PPP6R3: variants seen among roughly 807,000 people sequenced by gnomAD.
PPP6R3 encodes protein phosphatase 6 regulatory subunit 3, also known as serine/threonine-protein phosphatase 6 regulatory subunit 3.
A neutral mutation model predicts 110.7 loss-of-function variants in PPP6R3; 38 were observed. The ratio of observed to expected loss-of-function variants is 0.34; its 90% confidence interval spans 0.26 to 0.45. PPP6R3 has a LOEUF of 0.45. Ranked by LOEUF, PPP6R3 falls within the 20% of genes least tolerant of loss-of-function variation. The pLI, the probability that PPP6R3 is intolerant of heterozygous loss-of-function variation, is 1.00. For missense variants in PPP6R3, 870 were observed against 1,062.4 expected, an observed-to-expected ratio of 0.82 and a Z score of 2.52; for synonymous variants, 369 against 373.5, an observed-to-expected ratio of 0.99 and a Z score of 0.14.
chr11:68,582,720 C>G lies in PPP6R3; in HGVS notation c.1546-323C>G, dbSNP rs189026422. Among the ~76,000 whole-genome samples, 23 of 152,324 alleles carry G rather than the reference C, an allele frequency of 1.5e-4. No homozygotes were observed. The East Asian group carries it at 2.1e-3, about 14-fold the overall frequency. On this transcript the variant is annotated intron_variant, in intron 14 of 23. Transcript: ENST00000393800. ...CATCTGTGCCATTACCTCTGTCTTTCTTTTTGTAAACATTTAATTGGAGGT... is the reference window on the plus strand; with the variant it reads ...CATCTGTGCCATTACCTCTGTCTTTGTTTTTGTAAACATTTAATTGGAGGT...
chr11:68,476,436 A>G (rs956884504), intron 1 of PPP6R3, among the ~76,000 whole-genome samples: 1 of 122,694 alleles, frequency 8.2e-6, no homozygotes, highest in Non-Finnish European at 1.7e-5. Flanking sequence ...TCGGCTGGGC[A>G]TCAGAGGGAG....
rs369143778 is a variant in PPP6R3, at chr11:68,531,566, A to G, written c.-6-6093A>G. ...TTTGGCCTTCCAAAATGCTGGGATT[A>G]CAGACGTGAGCCACCATGCCCAGCC... On this transcript the variant is annotated intron_variant, in intron 2 of 23. Coordinates refer to ENST00000393800, the MANE Select transcript of PPP6R3 (RefSeq NM_001164161.2). Among the ~76,000 whole-genome samples, 39 of 152,216 alleles carry G rather than the reference A, an allele frequency of 2.6e-4. No individual in the cohort carries two copies. In the East Asian group the frequency reaches 2.9e-3, roughly 11 times the overall value.
chr11:68,591,570 AT>A lies in PPP6R3; in HGVS notation c.1786-3del, dbSNP rs1390677618. The A allele has an allele frequency of 3.8e-6, 6 of 1,580,802 alleles. No homozygotes were observed. The highest frequency in any genetic ancestry group is 5.1e-6 in the Non-Finnish European group (6 of 1,166,216). On this transcript the variant is annotated splice_polypyrimidine_tract_variant and splice_region_variant and intron_variant, in intron 17 of 23. Transcript: ENST00000393800. ...TTGTTGTTTTTTTCCTCTCATTTTT[AT>A]TTAGGGAAATATTGCCTTGTTTGAA... is the stretch of plus-strand genomic sequence containing the variant.
intron 14 of PPP6R3, among the ~76,000 whole-genome samples, chr11:68,578,703 G>T (rs1051972569): frequency 6.6e-6 from 1 of 152,176 alleles, no homozygotes; most frequent in Non-Finnish European, 1.5e-5. Context: ...GCTGTGCCCA[G>T]CCCCAGGCTC....
At chr11:68,490,785 C>G (rs1401739260) in intron 1 of PPP6R3, among the ~76,000 whole-genome samples, 1 of 152,142 alleles carries the variant, frequency 6.6e-6, no homozygotes, top group Non-Finnish European at 1.5e-5. Flanking sequence ...TTTTCTCTAG[C>G]ATTTCTAATT....
In PPP6R3 at chr11:68,564,672, C is replaced by T. The variant is rs138902434; in HGVS notation, c.975+240C>T. ...TCTTCTGTAAATTCTTGGGTACTTA[C>T]ATGCCAGTAAAGAAAAAAGAATTTT... On this transcript the variant is annotated intron_variant, in intron 9 of 23. Coordinates refer to ENST00000393800, the MANE Select transcript of PPP6R3 (RefSeq NM_001164161.2). 3.3e-5 allele frequency among the ~76,000 whole-genome samples: 5 copies of T among 152,312 alleles called. No homozygotes were observed. The East Asian group carries it at 9.6e-4, about 29-fold the overall frequency.
chr11:68,532,927 G>A (rs192955095), intron 2 of PPP6R3, among the ~76,000 whole-genome samples: 61 of 152,312 alleles, frequency 4.0e-4, no homozygotes, highest in Admixed American at 2.5e-3. Context: ...GCACAACGAC[G>A]AAGTCACCTG....
Position 68,548,069 on chromosome 11 carries a change from T to C in PPP6R3, c.417T>C (p.Ile139=). The C allele has an allele frequency of 6.2e-7, 1 of 1,613,018 alleles. No homozygotes were observed. Among genetic ancestry groups the C allele is most frequent in the South Asian group, 1.1e-5 (1 of 90,980 alleles). Residue 139 remains isoleucine, a splice_region_variant and synonymous_variant, in exon 5 of 24, where the codon ATT becomes ATC. Coordinates refer to ENST00000393800, the MANE Select transcript of PPP6R3 (RefSeq NM_001164161.2). ...GTTTCTGATCTGTTCTTCTCTAGAT[T>C]GTGGATTTCTTAAAGAAGAAGCATG... The part of the protein sequence containing the change: ...SILISRKPEQ[I]VDFLKKKHDF...
At chr11:68,492,197 C>T (rs1313921271) in intron 1 of PPP6R3, among the ~76,000 whole-genome samples, 1 of 152,152 alleles carries the variant, frequency 6.6e-6, no homozygotes, top group African/African-American at 2.4e-5. Context: ...GAGTCTTGCT[C>T]TGTTGCTGGA....
intron 14 of PPP6R3, among the ~76,000 whole-genome samples, chr11:68,577,205 C>T (rs1212592474): frequency 6.6e-6 from 1 of 152,128 alleles, no homozygotes; most frequent in East Asian, 1.9e-4. Flanking sequence ...AGCCCTGGGT[C>T]ATCAAGGAAG....
intron 15 of PPP6R3, among the ~76,000 whole-genome samples, chr11:68,585,970 C>G (rs1566022753): frequency 6.6e-6 from 1 of 152,022 alleles, no homozygotes; most frequent in Non-Finnish European, 1.5e-5. Flanking sequence ...AGAGGTATAA[C>G]AGTTTTGAGA....
chr11:68,547,586 C>T (rs2099354429), intron 4 of PPP6R3, among the ~76,000 whole-genome samples: 1 of 152,138 alleles, frequency 6.6e-6, no homozygotes, highest in African/African-American at 2.4e-5. Flanking sequence ...GTTTGTGTAG[C>T]CAGGTGAGTT....
At chr11:68,490,487 A>G (rs547119394) in intron 1 of PPP6R3, among the ~76,000 whole-genome samples, 4 of 151,678 alleles carry the variant, frequency 2.6e-5, no homozygotes, top group South Asian at 2.1e-4. Flanking sequence ...TTCTGGATCT[A>G]TGGTTTGGTG....
At chr11:68,513,117 C>T (rs2099118875) in intron 1 of PPP6R3, among the ~76,000 whole-genome samples, 1 of 152,088 alleles carries the variant, frequency 6.6e-6, no homozygotes, top group African/African-American at 2.4e-5. Flanking sequence ...CACTGGCGTC[C>T]CTGGTTCTCA....
At chr11:68,569,988 T>C in intron 11 of PPP6R3, 91 bp downstream of exon 11, 1 of 1,214,730 alleles carries the variant, frequency 8.2e-7, no homozygotes, top group South Asian at 2.0e-5. Flanking sequence ...TTTAAAGGGC[T>C]TGAGGTTAGA....
intron 8 of PPP6R3, among the ~76,000 whole-genome samples, chr11:68,560,894 CT>C (rs11295490): frequency 0.24 from 28,439 of 117,510 alleles, 3,363 homozygotes; most frequent in Middle Eastern, 0.33. Flanking sequence ...TTCCTTATAC[CT>C]TTTTTTTTTT....
In PPP6R3 at chr11:68,614,111, G is replaced by T; in HGVS notation, c.*994G>T. 1.0e-6 allele frequency: 1 copy of T among 986,022 alleles called. No homozygotes were observed. Among genetic ancestry groups the T allele is most frequent in the Non-Finnish European group, 1.2e-6 (1 of 830,160 alleles). The allele number at this position is 986,022 out of a possible 1,614,324, so 61.1% of individuals were successfully genotyped here. A position where few individuals can be genotyped will look rare whatever the true frequency, so the allele number is the denominator to read the frequency against. ...CGTGCTGCTAATGGAATTAGAGTGC[G>T]TTCATTTTACAGGCTAGTATTTTAA... On this transcript the variant is annotated 3_prime_UTR_variant, in exon 24 of 24. Transcript: ENST00000393800.
At chr11:68,572,036 A>G (rs541451280) in intron 12 of PPP6R3, among the ~76,000 whole-genome samples, 1 of 152,106 alleles carries the variant, frequency 6.6e-6, no homozygotes, top group South Asian at 2.1e-4. Flanking sequence ...AAATCGTTTA[A>G]TAAGCACTGC....
chr11:68,503,205 G>T (rs749854218), intron 1 of PPP6R3, among the ~76,000 whole-genome samples: 1 of 152,188 alleles, frequency 6.6e-6, no homozygotes, highest in African/African-American at 2.4e-5. Flanking sequence ...GCCTCCCAAA[G>T]TGCTGGGATT....
Sources: allele counts gnomAD v4.1 joint callset (sites outside exome capture counted in the v4.1 genomes callset), GRCh38; gene constraint gnomAD v4.1.1; transcripts MANE v1.5; gene names NCBI Gene and HGNC (gene_info 2026-07-23, HGNC 2026-07-21).